Variants in TTC17 observed in about 807,000 individuals in gnomAD.
TTC17 encodes the protein tetratricopeptide repeat domain 17, also known as tetratricopeptide repeat protein 17.
In TTC17, 58 loss-of-function variants were observed where a neutral mutation model predicts 143.8. That is an observed-to-expected ratio of 0.40 (90% CI 0.33 to 0.50). TTC17 has a LOEUF of 0.50. Ranked by LOEUF, TTC17 falls within the 20% of genes least tolerant of loss-of-function variation. TTC17 has a pLI of 0.49. For missense variants in TTC17, 1,273 were observed against 1,392.5 expected (o/e 0.91, Z 1.37); for synonymous variants, 501 against 497.8 (o/e 1.01, Z -0.09).
At chr11:43,407,698 G>A (rs1273242129) in intron 15 of TTC17, 121 bp downstream of exon 15, 5 of 923,392 alleles carry the variant, frequency 5.4e-6, no homozygotes, top group Non-Finnish European at 6.3e-6. Flanking sequence ...TCACAGTAGC[G>A]TTTGCATTAT....
Position 43,391,527 on chromosome 11 carries a change from C to G in TTC17, c.482C>G (p.Thr161Ser). 6.2e-7 allele frequency: 1 copy of G among 1,607,238 alleles called. No homozygotes were observed. The highest frequency in any genetic ancestry group is 8.5e-7 in the Non-Finnish European group (1 of 1,178,182). The change falls in exon 4 of 24, where the codon ACT becomes AGT. Residue 161 changes from threonine to serine, a missense_variant. This residue lies in a region of TTC17 where 325 missense variants were observed against 444.2 expected (regional missense o/e 0.73). Transcript: ENST00000039989. ...VPPDPEQPDC[T>S]KILELPYSIH... ...CCAGACCCAGAGCAACCTGATTGTA[C>G]TAAAATTCTAGAACTTCCATATAGT... is the stretch of plus-strand genomic sequence containing the variant.
At chr11:43,391,342 T>G in intron 3 of TTC17, 123 bp from the exon 4 acceptor site, 15 of 649,016 alleles carry the variant, frequency 2.3e-5, no homozygotes, top group Non-Finnish European at 3.5e-5. Flanking sequence ...AAGGCTGCAG[T>G]GAGCTGTGAT....
intron 21 of TTC17, among the ~76,000 whole-genome samples, chr11:43,454,401 T>A (rs1010580146): frequency 6.6e-6 from 1 of 152,052 alleles, no homozygotes; most frequent in Non-Finnish European, 1.5e-5. Flanking sequence ...GAAAATAGTA[T>A]GCAAATAAGA....
intron 1 of TTC17, among the ~76,000 whole-genome samples, chr11:43,360,310 A>G (rs1022327419): frequency 6.6e-6 from 1 of 152,248 alleles, no homozygotes; most frequent in Non-Finnish European, 1.5e-5. Flanking sequence ...AACGTTTTCT[A>G]TATGACATAC....
chr11:43,366,756 C>T (rs983270719), intron 1 of TTC17, among the ~76,000 whole-genome samples: 2 of 152,114 alleles, frequency 1.3e-5, no homozygotes, highest in Non-Finnish European at 2.9e-5. Context: ...CCTGGCCCTT[C>T]CTCTCTAGCC....
intron 16 of TTC17, among the ~76,000 whole-genome samples, chr11:43,437,897 T>A (rs1338015911): frequency 1.3e-5 from 2 of 152,146 alleles, no homozygotes; most frequent in African/African-American, 2.4e-5. Flanking sequence ...GTGACCCAGC[T>A]AAAAAAAGGA....
intron 9 of TTC17, among the ~76,000 whole-genome samples, chr11:43,401,241 T>A (rs1416292201): frequency 6.6e-6 from 1 of 152,198 alleles, no homozygotes; most frequent in Non-Finnish European, 1.5e-5. Flanking sequence ...TCCCTTTGTT[T>A]TTGTAGGTGG....
At chr11:43,479,408 CAG>C (rs1328934753) in intron 21 of TTC17, among the ~76,000 whole-genome samples, 5 of 152,104 alleles carry the variant, frequency 3.3e-5, no homozygotes, top group African/African-American at 1.2e-4. Context: ...TTGTGTAAGT[CAG>C]ATATTCAGTT....
chr11:43,412,114 T>G (rs1037441606), intron 15 of TTC17, among the ~76,000 whole-genome samples: 1 of 152,204 alleles, frequency 6.6e-6, no homozygotes, highest in Non-Finnish European at 1.5e-5. Flanking sequence ...CTGAATACTT[T>G]GGGCTGCTTA....
chr11:43,484,158 A>T (rs1948337884), intron 21 of TTC17, among the ~76,000 whole-genome samples: 2 of 152,142 alleles, frequency 1.3e-5, no homozygotes, highest in African/African-American at 4.8e-5. Flanking sequence ...AGAAAGAAAT[A>T]AATTAATGGC....
intron 13 of TTC17, among the ~76,000 whole-genome samples, chr11:43,406,483 A>G (rs563786598): frequency 6.6e-5 from 10 of 152,184 alleles, no homozygotes; most frequent in African/African-American, 2.2e-4. Context: ...TTATTACTGT[A>G]TATTACCATA....
rs117221050 is a variant in TTC17 at position 43,404,720 on chromosome 11, A to G, written c.1479+576A>G. The stretch of plus-strand genomic sequence containing the variant: ...TTCAGAATTTAATCAAGGGTTTAAC[A>G]GAATTAAACAGCCACTTAGATTTAA... On this transcript the variant is annotated intron_variant, in intron 11 of 23. Coordinates refer to ENST00000039989, the MANE Select transcript of TTC17 (RefSeq NM_018259.6). Among the ~76,000 whole-genome samples the G allele has an allele frequency of 2.7e-3, 402 of 150,036 alleles. 2 individuals are homozygous for G. Among genetic ancestry groups the G allele is most frequent in the Non-Finnish European group, 3.6e-3 (238 of 66,234 alleles).
rs534111152 is a variant in TTC17, at chr11:43,459,171, C to G, written c.3030+7906C>G. On this transcript the variant is annotated intron_variant, in intron 21 of 23. Coordinates refer to ENST00000039989, the MANE Select transcript of TTC17 (RefSeq NM_018259.6). The stretch of plus-strand genomic sequence containing the variant: ...GCACATACAACCTACATTGTTATGG[C>G]AAGGATACGATGTCACATGAATTGA... Among the ~76,000 whole-genome samples, 6 of 152,190 alleles carry G rather than the reference C, an allele frequency of 3.9e-5. No individual in the cohort carries two copies. The East Asian group carries it at 1.2e-3, about 29-fold the overall frequency.
At chr11:43,401,070 A>G (rs1857832366) in intron 9 of TTC17, among the ~76,000 whole-genome samples, 1 of 152,322 alleles carries the variant, frequency 6.6e-6, no homozygotes, top group Non-Finnish European at 1.5e-5. Flanking sequence ...ATTGAAATGT[A>G]ACCAGAGCTC....
chr11:43,476,267 G>A (rs937708839), intron 21 of TTC17, among the ~76,000 whole-genome samples: 1 of 152,198 alleles, frequency 6.6e-6, no homozygotes, highest in African/African-American at 2.4e-5. Context: ...ATGACAACAG[G>A]TTGTATCAAA....
At chr11:43,370,566 A>G (rs551961190) in intron 1 of TTC17, among the ~76,000 whole-genome samples, 101 of 152,242 alleles carry the variant, frequency 6.6e-4, no homozygotes, top group East Asian at 1.2e-3. Context: ...AAAAAAAGAT[A>G]AAACATGTTA....
At chr11:43,472,301 C>T (rs778010144) in intron 21 of TTC17, among the ~76,000 whole-genome samples, 8 of 152,162 alleles carry the variant, frequency 5.3e-5, no homozygotes, top group Non-Finnish European at 1.0e-4. Context: ...TATGATTGTA[C>T]CATTTCCCTC....
chr11:43,445,231 C>T (rs769569907), intron 18 of TTC17, among the ~76,000 whole-genome samples: 3 of 152,068 alleles, frequency 2.0e-5, no homozygotes, highest in Non-Finnish European at 4.4e-5. Flanking sequence ...TTCAATATCT[C>T]TGAAATTGGA....
chr11:43,408,066 AC>A (rs139683286), intron 15 of TTC17, among the ~76,000 whole-genome samples: 33 of 152,346 alleles, frequency 2.2e-4, no homozygotes, highest in Non-Finnish European at 4.0e-4. Flanking sequence ...TTATGGAGTT[AC>A]ATCAGTGCTT....
Sources: gnomAD v4.1 joint callset for allele counts (sites outside exome capture counted in the v4.1 genomes callset) on GRCh38, gnomAD v4.1.1 for gene constraint, gnomAD v4.1.1 regional missense constraint, MANE v1.5 for transcripts, NCBI Gene and HGNC (gene_info 2026-07-23, HGNC 2026-07-21) for gene names.